PPP2R2A: variants seen among roughly 807,000 people sequenced by gnomAD.
PPP2R2A encodes the protein serine/threonine-protein phosphatase 2A 55 kDa regulatory subunit B alpha isoform.
Under a neutral mutation model 53.2 loss-of-function variants are expected in PPP2R2A, and 9 were observed. The ratio of observed to expected loss-of-function variants is 0.17; its 90% CI spans 0.10 to 0.30. The LOEUF (loss-of-function observed/expected upper bound fraction) is 0.30. Ranked by LOEUF, PPP2R2A falls within the 10% of genes least tolerant of loss-of-function variation. The probability of loss-of-function intolerance (pLI) is 1.00; values close to 1 mark genes in which losing one functional copy is unlikely to be tolerated. For missense variants in PPP2R2A, 235 were observed against 534.6 expected (o/e 0.44, Z 5.53); for synonymous variants, 169 against 174.2 (o/e 0.97, Z 0.23).
intron 8 of PPP2R2A, chr8:26,365,543 A>G (rs939702308): frequency 6.6e-6 from 1 of 152,212 alleles, no homozygotes; most frequent in Non-Finnish European, 1.5e-5. Context: ...CCTTAAAAAG[A>G]GATGGTGAAA....
At chr8:26,358,705 G>A (rs1456954355) in intron 4 of PPP2R2A, among the ~76,000 whole-genome samples, 1 of 152,086 alleles carries the variant, frequency 6.6e-6, no homozygotes, top group Non-Finnish European at 1.5e-5. Context: ...ATGAAAGATC[G>A]TTAGGAATGT....
At chr8:26,314,370 T>G (rs1563291056) in intron 2 of PPP2R2A, among the ~76,000 whole-genome samples, 1 of 152,156 alleles carries the variant, frequency 6.6e-6, no homozygotes, top group South Asian at 2.1e-4. Context: ...TGTCCTGGGA[T>G]TTTCCTTCAT....
At position 26,293,652 on chromosome 8, in the gene PPP2R2A, T is replaced by G. The variant is rs1216101009; in HGVS notation, c.8-14T>G. On this transcript the variant is annotated splice_polypyrimidine_tract_variant and intron_variant, in intron 1 of 9. Transcript: ENST00000380737. ...GCAGAACTCGGTTTTAATTGGTATG[T>G]TTTCTTTTTCCAGGAGCTGGAGGAG... 1 of 1,608,250 alleles carries G rather than the reference T, an allele frequency of 6.2e-7. No homozygotes were observed. The highest frequency in any genetic ancestry group is 2.2e-5 in the East Asian group (1 of 44,832).
At chr8:26,303,169 G>T (rs999717146) in intron 2 of PPP2R2A, among the ~76,000 whole-genome samples, 1 of 152,090 alleles carries the variant, frequency 6.6e-6, no homozygotes, top group African/African-American at 2.4e-5. Context: ...TACCAAATTA[G>T]ATCTGCCTTA....
At chr8:26,344,840 A>G (rs1264833722) in intron 3 of PPP2R2A, among the ~76,000 whole-genome samples, 1 of 152,158 alleles carries the variant, frequency 6.6e-6, no homozygotes, top group Non-Finnish European at 1.5e-5. Flanking sequence ...CAGGGTGAGT[A>G]TCCCTTATCT....
chr8:26,362,058 T>A lies in PPP2R2A; in HGVS notation c.638-626T>A, dbSNP rs1805124754. On this transcript the variant is annotated intron_variant, in intron 6 of 9. Transcript: ENST00000380737. This position sits in a 1 kb window ranked among gnomAD's most constrained non-coding sequence, Gnocchi z 4.4. Reference sequence around the variant, plus strand: ...GATTAATCTTAAGATTAGATTAAGATTAATTTTAAGATTAGAAAAAGATTA... The same window carrying A: ...GATTAATCTTAAGATTAGATTAAGAATAATTTTAAGATTAGAAAAAGATTA... Among the ~76,000 whole-genome samples the A allele has an allele frequency of 6.7e-6, 1 of 149,712 alleles. No homozygotes were observed. The highest frequency in any genetic ancestry group is 1.5e-5 in the Non-Finnish European group (1 of 67,454).
intron 9 of PPP2R2A, among the ~76,000 whole-genome samples, 196 bp downstream of exon 9, chr8:26,366,602 T>C (rs1805389204): frequency 6.6e-6 from 1 of 152,218 alleles, no homozygotes. Context: ...AAATTCTAGG[T>C]AATCTAAATT....
chr8:26,362,656 G>A lies in PPP2R2A; in HGVS notation c.638-28G>A. ...ATTATATTTGCCCTTTTTTCTAAGT[G>A]GAAATTCCTTAATAAAATGTTATCT... On this transcript the variant is annotated intron_variant, in intron 6 of 9. Transcript: ENST00000380737. The surrounding 1 kb of genome is among the most constrained non-coding windows in gnomAD (Gnocchi z 4.4). The A allele has an allele frequency of 6.2e-7, 1 of 1,601,188 alleles. No individual in the cohort carries two copies. The highest frequency in any genetic ancestry group is 8.5e-7 in the Non-Finnish European group (1 of 1,172,380).
intron 2 of PPP2R2A, among the ~76,000 whole-genome samples, chr8:26,320,608 T>TAA (rs1282990430): frequency 6.6e-6 from 1 of 152,198 alleles, no homozygotes; most frequent in East Asian, 1.9e-4. Context: ...GGCTAGTTTA[T>TAA]CCTGTCTGTG....
chr8:26,292,290 C>G, intron 1 of PPP2R2A: 1 of 992,448 alleles, frequency 1.0e-6, no homozygotes, highest in Middle Eastern at 5.2e-4. Flanking sequence ...AGGAAGAGCG[C>G]CTTATAAGTT....
At chr8:26,351,690 C>G (rs1804524367) in intron 3 of PPP2R2A, among the ~76,000 whole-genome samples, 1 of 152,124 alleles carries the variant, frequency 6.6e-6, no homozygotes, top group Non-Finnish European at 1.5e-5. Context: ...GTGAAAAGAC[C>G]ATCCTTTCCC....
chr8:26,344,500 C>G (rs1019246549), intron 3 of PPP2R2A, among the ~76,000 whole-genome samples: 8 of 152,192 alleles, frequency 5.3e-5, no homozygotes, highest in African/African-American at 1.9e-4. Flanking sequence ...GATCCTTAGA[C>G]TTTTTAATAT....
At position 26,359,120 on chromosome 8, in the gene PPP2R2A, C is replaced by G. The variant is rs79130959; in HGVS notation, c.347-1049C>G. The G allele has an allele frequency of 1.3e-4, 32 of 250,318 alleles. No individual in the cohort carries two copies. The East Asian group carries it at 2.9e-3, about 22-fold the overall frequency. 15.5% of individuals were successfully genotyped at this position (250,318 alleles called of 1,614,324 possible). A position where few individuals can be genotyped will look rare whatever the true frequency, so the allele number is the denominator to read the frequency against. ...TGTTCTGTTCCTAAAAACCCATGGT[C>G]CCAGTCTGATCATGAGGAAAGAGCA... On this transcript the variant is annotated intron_variant, in intron 4 of 9. Transcript: ENST00000380737.
intron 3 of PPP2R2A, among the ~76,000 whole-genome samples, chr8:26,342,902 G>C (rs1394110708): frequency 6.6e-6 from 1 of 152,166 alleles, no homozygotes; most frequent in Non-Finnish European, 1.5e-5. Context: ...TTAAAATGCA[G>C]ATTTCTGGGT....
intron 2 of PPP2R2A, among the ~76,000 whole-genome samples, chr8:26,336,780 C>T (rs1803684869): frequency 6.6e-6 from 1 of 151,274 alleles, no homozygotes; most frequent in African/African-American, 2.4e-5. Flanking sequence ...ATTCAAGAGA[C>T]TGCGGTGGGA....
chr8:26,370,418 G>A lies in PPP2R2A; in HGVS notation c.*5G>A, dbSNP rs759874193. On this transcript the variant is annotated 3_prime_UTR_variant, in exon 10 of 10. Coordinates refer to ENST00000380737, the MANE Select transcript of PPP2R2A (RefSeq NM_002717.4). The surrounding 1 kb of genome is among the most constrained non-coding windows in gnomAD (Gnocchi z 6.1). ...TTTCAAGACAAAGTGAATTAGGGTT[G>A]GCATTCCTAGCAGAAGAACCCACTT... The A allele has an allele frequency of 2.5e-6, 4 of 1,612,240 alleles. No homozygotes were observed. The African/African-American group carries it at 5.3e-5, about 22-fold the overall frequency.
chr8:26,306,457 C>G (rs1259407061), intron 2 of PPP2R2A, among the ~76,000 whole-genome samples: 2 of 136,740 alleles, frequency 1.5e-5, no homozygotes, highest in African/African-American at 5.5e-5. Context: ...GCCTGGGTGA[C>G]AGAGCGAGAC....
At chr8:26,301,338 G>GT (rs529357848) in intron 2 of PPP2R2A, among the ~76,000 whole-genome samples, 4,605 of 126,358 alleles carry the variant, frequency 0.036, 87 homozygotes, top group Non-Finnish European at 0.042. Flanking sequence ...TCTTTTTTTT[G>GT]TTTTTTTTTT....
At chr8:26,319,185 C>A (rs1802709396) in intron 2 of PPP2R2A, among the ~76,000 whole-genome samples, 1 of 152,074 alleles carries the variant, frequency 6.6e-6, no homozygotes, top group African/African-American at 2.4e-5. Flanking sequence ...ATGTATGTAC[C>A]ACATTTTGTT....
Sources: allele counts gnomAD v4.1 joint callset (sites outside exome capture counted in the v4.1 genomes callset), GRCh38; gene constraint gnomAD v4.1.1; non-coding constraint Gnocchi (gnomAD v3.1); transcripts MANE v1.5; gene names NCBI Gene and HGNC (gene_info 2026-07-23, HGNC 2026-07-21).